MTMR11: variants seen among roughly 807,000 people sequenced by gnomAD.
MTMR11 encodes myotubularin-related protein 11.
A neutral mutation model predicts 100.0 loss-of-function variants in MTMR11; 89 were observed. The observed-to-expected ratio is 0.89, with a 90% CI of 0.75 to 1.06. The LOEUF is 1.06. Ranked by LOEUF, MTMR11 falls within the 50% of genes least tolerant of loss-of-function variation. MTMR11 has a pLI of 0.00. For missense variants in MTMR11, 809 were observed against 873.7 expected, an observed-to-expected ratio of 0.93 and a Z score of 0.93; for synonymous variants, 336 against 326.3, an observed-to-expected ratio of 1.03 and a Z score of -0.32.
At chr1:149,931,226 A>G in intron 13 of MTMR11, 34 bp downstream of exon 13, 3 of 1,612,172 alleles carry the variant, frequency 1.9e-6, no homozygotes, top group Non-Finnish European at 2.5e-6. Context: ...TTCCTTAGTA[A>G]TATGCCCCCG....
chr1:149,934,563 G>A, intron 5 of MTMR11, 37 bp from the exon 6 acceptor site: 2 of 1,595,094 alleles, frequency 1.3e-6, no homozygotes, highest in Non-Finnish European at 1.7e-6. Context: ...TTTGGCTTAG[G>A]CTGAGTAAGT....
Position 149,931,392 on chromosome 1 carries a change from A to T in MTMR11, c.1158T>A (p.Ser386=). The change falls in exon 13 of 17, where the codon TCT becomes TCA. Residue 386 remains serine (S), a synonymous_variant. Transcript: ENST00000439741. Reference sequence around the variant, plus strand: ...GGGCTGAAAGCAGCTGGACGAGTGAAGAGAGGAGGCCATTGAGATCACGAT... The same window carrying T: ...GGGCTGAAAGCAGCTGGACGAGTGATGAGAGGAGGCCATTGAGATCACGAT... ...RGDRDLNGLL[S]SLVQLLSAPE... 6.2e-7 allele frequency: 1 copy of T among 1,612,462 alleles called. No homozygotes were observed. Among genetic ancestry groups the T allele is most frequent in the South Asian group, 1.1e-5 (1 of 90,862 alleles).
rs1290514475 is a variant in MTMR11, at chr1:149,931,350, CAG to C, written c.1198_1199del (p.Leu400ValfsTer29). ...GCTGTACTAGTGATTGGAAGCCAAACAGTGTTCGGGCTTCGGGGGCTGAAAGC... is the reference window on the plus strand; with the variant it reads ...GCTGTACTAGTGATTGGAAGCCAAACTGTTCGGGCTTCGGGGGCTGAAAGC... ...QLLSAPEART[L>X]FGFQSLVQRE... On this transcript the variant is annotated frameshift_variant, in exon 13 of 17. Coordinates refer to ENST00000439741, the MANE Select transcript of MTMR11 (RefSeq NM_001145862.2). LOFTEE classifies it high-confidence loss of function. 3 of 1,613,878 alleles carry C rather than the reference CAG, an allele frequency of 1.9e-6. No homozygotes were observed. Among genetic ancestry groups the C allele is most frequent in the East Asian group, 2.2e-5 (1 of 44,884 alleles).
Position 149,933,050 on chromosome 1 carries a change from G to A in MTMR11, c.985+356C>T, listed in dbSNP as rs778215730. ...GTTCACCCGCCTCCTGGGTTCAAGCGATTCTTGTGCCTCAGCCTTCCAAGT... is the reference window on the plus strand; with the variant it reads ...GTTCACCCGCCTCCTGGGTTCAAGCAATTCTTGTGCCTCAGCCTTCCAAGT... On this transcript the variant is annotated intron_variant, in intron 10 of 16. Coordinates refer to ENST00000439741, the MANE Select transcript of MTMR11 (RefSeq NM_001145862.2). Among the ~76,000 whole-genome samples the A allele has an allele frequency of 1.4e-4, 21 of 150,516 alleles. 2 individuals carry two copies. The highest frequency in any genetic ancestry group is 8.2e-4 in the East Asian group (4 of 4,872).
rs1571533515 is a variant in MTMR11 at position 149,929,121 on chromosome 1, A to C, written c.*8T>G. ...AAAAAAAAAAAAAAGATTAGACAGA[A>C]CCCTCCTCTACCCCAGATCCCCCTC... On this transcript the variant is annotated 3_prime_UTR_variant, in exon 17 of 17. Transcript: ENST00000439741. 6 of 1,598,630 alleles carry C rather than the reference A, an allele frequency of 3.8e-6. No individual in the cohort carries two copies. The highest frequency in any genetic ancestry group is 4.3e-6 in the Non-Finnish European group (5 of 1,173,288).
chr1:149,930,694 TCA>T, intron 14 of MTMR11, 96 bp downstream of exon 14: 2 of 1,393,650 alleles, frequency 1.4e-6, no homozygotes, highest in Non-Finnish European at 1.9e-6. Flanking sequence ...CCCTCCCCAC[TCA>T]CAGACCTCAC....
In MTMR11 at chr1:149,936,289, G is replaced by A. The variant is rs113622231; in HGVS notation, c.67-60C>T. The A allele has an allele frequency of 7.4e-3, 11,955 of 1,608,076 alleles. 827 individuals are homozygous for A. In the African/African-American group the frequency reaches 0.14, roughly 19 times the overall value. Reference sequence around the variant, plus strand: ...AACCCCTAGGCTCCCCAACTCCCCAGAGGCAGCTGCCTGTAGAGGCCTACA... The same window carrying A: ...AACCCCTAGGCTCCCCAACTCCCCAAAGGCAGCTGCCTGTAGAGGCCTACA... On this transcript the variant is annotated intron_variant, in intron 1 of 16. Transcript: ENST00000439741.
At chr1:149,934,050 T>C in intron 7 of MTMR11, 108 bp from the exon 8 acceptor site, 1 of 1,541,200 alleles carries the variant, frequency 6.5e-7, no homozygotes, top group Non-Finnish European at 8.9e-7. Context: ...GGATTTCAGG[T>C]TTAGGGATCT....
At position 149,931,868 on chromosome 1, in the gene MTMR11, C is replaced by T. The variant is rs1443410861; in HGVS notation, c.1123+76G>A. On this transcript the variant is annotated intron_variant, in intron 12 of 16. Transcript: ENST00000439741. The stretch of plus-strand genomic sequence containing the variant: ...GAGAGGAAGAAGCCTTATGGGTCTC[C>T]CTCCCTGAATGCAATCTGGTCAGGT... 2.6e-5 allele frequency: 35 copies of T among 1,339,800 alleles called. 1 individual carries two copies. The South Asian group carries it at 4.2e-4, about 16-fold the overall frequency. 83.0% of individuals were successfully genotyped at this position (1,339,800 alleles called of 1,614,324 possible).
rs995590062 is a variant in MTMR11, at chr1:149,936,593, G to T, written c.55C>A (p.Pro19Thr). Residue 19 changes from proline to threonine, a missense_variant, in exon 1 of 17, where the codon CCA (proline) becomes ACA (threonine). Coordinates refer to ENST00000439741, the MANE Select transcript of MTMR11 (RefSeq NM_001145862.2). ...TTCCTTCTCCTTACCCCCATCTCTGGCTCCTCCTTCTGGGGGGCAATGTTG... is the reference window on the plus strand; with the variant it reads ...TTCCTTCTCCTTACCCCCATCTCTGTCTCCTCCTTCTGGGGGGCAATGTTG... ...SFNIAPQKEE[P>T]EMGSVQENRM... 6.5e-7 allele frequency: 1 copy of T among 1,534,956 alleles called. No individual in the cohort carries two copies. Among genetic ancestry groups the T allele is most frequent in the Non-Finnish European group, 8.8e-7 (1 of 1,133,632 alleles).
chr1:149,929,923 GGAAAA>G lies in MTMR11; in HGVS notation c.1648-12_1648-8del. 6.2e-7 allele frequency: 1 copy of G among 1,603,006 alleles called. No homozygotes were observed. The highest frequency in any genetic ancestry group is 8.5e-7 in the Non-Finnish European group (1 of 1,173,828). The stretch of plus-strand genomic sequence containing the variant: ...CAGGAACCATGAAGCTTGGCTAAAA[GGAAAA>G]GAAAATCAACTGGCAACAGAGAGAC... On this transcript the variant is annotated splice_region_variant and splice_polypyrimidine_tract_variant and intron_variant, in intron 15 of 16. Coordinates refer to ENST00000439741, the MANE Select transcript of MTMR11 (RefSeq NM_001145862.2).
chr1:149,932,678 G>C (rs2092675304), intron 10 of MTMR11, among the ~76,000 whole-genome samples: 1 of 152,260 alleles, frequency 6.6e-6, no homozygotes, highest in Middle Eastern at 3.4e-3. Context: ...GGGCACGACG[G>C]CTTGTGCCTG....
chr1:149,930,087 C>G (rs2092638879), intron 15 of MTMR11, 171 bp from the exon 16 acceptor site: 1 of 774,366 alleles, frequency 1.3e-6, no homozygotes, highest in East Asian at 2.7e-5. Context: ...TCAACTAGGC[C>G]TCGGGACTGA....
rs782572763 is a variant in MTMR11 at position 149,935,348 on chromosome 1, C to T, written c.276G>A (p.Leu92=). 6.2e-7 allele frequency: 1 copy of T among 1,613,774 alleles called. No individual in the cohort carries two copies. Reference sequence around the variant, plus strand: ...CCAGGGCAAAATCGTATTCACTGTTCAAGGGAGTGTCCTAGACGAAACACG... The same window carrying T: ...CCAGGGCAAAATCGTATTCACTGTTTAAGGGAGTGTCCTAGACGAAACACG... ...CGWQWNQDTP[L]NSEYDFALVN... is the part of the protein sequence containing the mutation. The change falls in exon 4 of 17, where the codon TTG becomes TTA. Residue 92 remains leucine (L), a synonymous_variant. Transcript: ENST00000439741.
chr1:149,936,860 C>G lies in MTMR11; in HGVS notation c.-213G>C. On this transcript the variant is annotated 5_prime_UTR_variant, in exon 1 of 17. Transcript: ENST00000439741. ...TCCAGCCCAGCCTGAGAAGTCTCCT[C>G]GGAAACTTCAGTCGACTCTGGAGAG... The G allele has an allele frequency of 1.8e-6, 1 of 561,362 alleles. No homozygotes were observed. The highest frequency in any genetic ancestry group is 3.1e-6 in the Non-Finnish European group (1 of 321,472). 34.8% of individuals were successfully genotyped at this position (561,362 alleles called of 1,614,324 possible).
At chr1:149,932,393 T>A in intron 10 of MTMR11, 63 bp from the exon 11 acceptor site, 1 of 1,341,142 alleles carries the variant, frequency 7.5e-7, no homozygotes, top group Non-Finnish European at 1.1e-6. Context: ...GGATTCAGGT[T>A]GATAGCCTGC....
Position 149,929,225 on chromosome 1 carries a change from A to G in MTMR11, c.2034T>C (p.Pro678=), listed in dbSNP as rs2092622202. The G allele has an allele frequency of 6.2e-7, 1 of 1,614,046 alleles. No individual in the cohort carries two copies. The highest frequency in any genetic ancestry group is 1.3e-5 in the African/African-American group (1 of 74,912). Residue 678 remains proline, a synonymous_variant, in exon 17 of 17, where the codon CCT becomes CCC. Coordinates refer to ENST00000439741, the MANE Select transcript of MTMR11 (RefSeq NM_001145862.2). ...GATCTCTTTTCTTGGAGTGATCCTC[A>G]GGAGATATTCTTGGTGTCCATTTCC... ...LLRKWTPRIS[P]EDHSKKRDPH...
rs1249910756 is a variant in MTMR11 at position 149,935,658 on chromosome 1, G to T, written c.190C>A (p.Pro64Thr). ...WAPGVRKGLE[P>T]ELSGTLICTN... is the part of the protein sequence containing the mutation. ...CAGATCAGGGTTCCAGACAATTCTG[G>T]TTCCAGGCCCTTCCTCACCCCTGGG... is the stretch of plus-strand genomic sequence containing the variant. The change falls in exon 3 of 17, where the codon CCA becomes ACA. Residue 64 changes from proline (P) to threonine (T), a missense_variant. Pro to Thr is a conservative substitution (Grantham distance 38). Coordinates refer to ENST00000439741, the MANE Select transcript of MTMR11 (RefSeq NM_001145862.2). The T allele has an allele frequency of 6.2e-7, 1 of 1,613,978 alleles. No individual in the cohort carries two copies. The highest frequency in any genetic ancestry group is 1.1e-5 in the South Asian group (1 of 91,060).
chr1:149,930,323 TG>T, intron 15 of MTMR11, 41 bp downstream of exon 15: 7 of 1,564,436 alleles, frequency 4.5e-6, no homozygotes, highest in Non-Finnish European at 6.1e-6. Flanking sequence ...AGCATGAGCC[TG>T]TGGGAACGTC....
Sources: allele counts gnomAD v4.1 joint callset (sites outside exome capture counted in the v4.1 genomes callset), GRCh38; gene constraint gnomAD v4.1.1; transcripts MANE v1.5; gene names NCBI Gene and HGNC (gene_info 2026-07-23, HGNC 2026-07-21).